RECK: variants seen among roughly 807,000 people sequenced by gnomAD.
RECK encodes the protein reversion-inducing cysteine-rich protein with Kazal motifs.
Under a neutral mutation model 115.1 loss-of-function variants are expected in RECK, and 69 were observed. That is an observed-to-expected ratio of 0.60 (90% CI 0.49 to 0.73). The LOEUF (loss-of-function observed/expected upper bound fraction) is 0.73, where lower values mean the gene tolerates loss of function less well. Ranked by LOEUF, RECK falls within the 30% of genes least tolerant of loss-of-function variation. The pLI is 0.00. For synonymous variants in RECK, 414 were observed against 419.7 expected (o/e 0.99, Z 0.17); for missense variants, 1,047 against 1,203.7 (o/e 0.87, Z 1.93).
chr9:36,064,660 A>G (rs188962834), intron 5 of RECK, among the ~76,000 whole-genome samples: 8 of 152,358 alleles, frequency 5.3e-5, no homozygotes, highest in Admixed American at 3.9e-4. Context: ...TGGGCAGCAC[A>G]TGACCTAGCT....
rs1824538046 is a variant in RECK at position 36,123,529 on chromosome 9, A to T, written c.*484A>T. 6.5e-6 allele frequency: 1 copy of T among 152,722 alleles called. No individual in the cohort carries two copies. The highest frequency in any genetic ancestry group is 2.1e-4 in the South Asian group (1 of 4,852). 9.5% of individuals were successfully genotyped at this position (152,722 alleles called of 1,614,324 possible). On this transcript the variant is annotated 3_prime_UTR_variant, in exon 21 of 21. Transcript: ENST00000377966. ...AGTGAAGAGCCACTGCCATTAAAGA[A>T]TATGAAACATAGATAAAACATCTTT...
chr9:36,071,278 G>T (rs62543609), intron 6 of RECK, among the ~76,000 whole-genome samples: 1 of 152,116 alleles, frequency 6.6e-6, no homozygotes, highest in Non-Finnish European at 1.5e-5. Flanking sequence ...GTTGTTGATG[G>T]TTAATTTTCT....
chr9:36,057,151 TAAA>T (rs34821500), intron 2 of RECK: 35 of 155,866 alleles, frequency 2.2e-4, no homozygotes, highest in Non-Finnish European at 4.1e-4. Context: ...CAGCATCAAT[TAAA>T]AAAAAAAAAA....
At chr9:36,086,124 A>G (rs1822948926) in intron 8 of RECK, 1 of 152,226 alleles carries the variant, frequency 6.6e-6, no homozygotes, top group Admixed American at 6.5e-5. Context: ...ATTCTGTAAT[A>G]TGGTTGAAAG....
At chr9:36,046,419 AAAT>A (rs1821075115) in intron 1 of RECK, among the ~76,000 whole-genome samples, 1 of 152,236 alleles carries the variant, frequency 6.6e-6, no homozygotes, top group Non-Finnish European at 1.5e-5. Flanking sequence ...ATTTCTTGAA[AAAT>A]ATGCAACGTT....
intron 14 of RECK, among the ~76,000 whole-genome samples, chr9:36,108,677 C>T (rs1222583916): frequency 6.6e-6 from 1 of 152,026 alleles, no homozygotes; most frequent in Non-Finnish European, 1.5e-5. Flanking sequence ...AGAAGTGAAA[C>T]TCAGATTTTG....
At chr9:36,071,410 CT>C (rs1315554603) in intron 6 of RECK, among the ~76,000 whole-genome samples, 2 of 152,138 alleles carry the variant, frequency 1.3e-5, no homozygotes, top group Non-Finnish European at 2.9e-5. Context: ...CCATTTTATA[CT>C]TTTAATGGCA....
chr9:36,087,829 A>G lies in RECK; in HGVS notation c.773A>G (p.Asp258Gly), dbSNP rs760203617. 5.6e-6 allele frequency: 9 copies of G among 1,613,912 alleles called. No individual in the cohort carries two copies. The African/African-American group carries it at 1.1e-4, about 19-fold the overall frequency. ...EGCKTQPLPQ[D>G]PLWQCFLESS... ...TGTAAGACCCAGCCCTTGCCTCAAG[A>G]TCCTCTTTGGCAATGTTTTCTTGAA... is the stretch of plus-strand genomic sequence containing the variant. The change falls in exon 9 of 21, where the codon GAT (aspartate) becomes GGT (glycine). Residue 258 changes from aspartate to glycine, a missense_variant. Coordinates refer to ENST00000377966, the MANE Select transcript of RECK (RefSeq NM_021111.3).
Position 36,091,493 on chromosome 9 carries a change from G to A in RECK, c.1085+150G>A, listed in dbSNP as rs1823153168. On this transcript the variant is annotated intron_variant, in intron 10 of 20. Coordinates refer to ENST00000377966, the MANE Select transcript of RECK (RefSeq NM_021111.3). ...TTAAATGCAGTATTCCATCTGGTAA[G>A]CCACCTCTGGGAAAGGAAACACTAT... The A allele has an allele frequency of 1.5e-5, 9 of 601,186 alleles. No individual in the cohort carries two copies. The South Asian group carries it at 2.7e-4, about 18-fold the overall frequency. The allele number at this position is 601,186 out of a possible 1,614,324, so 37.2% of individuals were successfully genotyped here.
chr9:36,082,188 C>CTCTCTCTCTCTCT (rs1401784584), intron 7 of RECK, among the ~76,000 whole-genome samples: 428 of 146,390 alleles, frequency 2.9e-3, no homozygotes, highest in South Asian at 6.8e-3. Flanking sequence ...CTCTCTCTCT[C>CTCTCTCTCTCTCT]CTTTTTTCTT....
At chr9:36,061,534 G>C (rs987675795) in intron 4 of RECK, among the ~76,000 whole-genome samples, 32 of 151,820 alleles carry the variant, frequency 2.1e-4, no homozygotes, top group African/African-American at 5.3e-4. Context: ...AGAGTGCCTT[G>C]TACATAGTAG....
At chr9:36,103,884 A>G (rs986520764) in intron 12 of RECK, among the ~76,000 whole-genome samples, 2 of 152,212 alleles carry the variant, frequency 1.3e-5, no homozygotes, top group Non-Finnish European at 2.9e-5. Context: ...TTAGTCTTAG[A>G]GTATGAGTCT....
intron 2 of RECK, among the ~76,000 whole-genome samples, chr9:36,058,151 G>T (rs1455422994): frequency 1.3e-5 from 2 of 150,904 alleles, no homozygotes; most frequent in East Asian, 3.9e-4. Flanking sequence ...TCCCATTACT[G>T]GGTATATACC....
chr9:36,062,174 T>C (rs1821800492), intron 4 of RECK, among the ~76,000 whole-genome samples: 1 of 151,320 alleles, frequency 6.6e-6, no homozygotes, highest in Admixed American at 6.6e-5. Flanking sequence ...TTTTTTTTTT[T>C]TTTTGAGATG....
At chr9:36,068,013 C>T (rs1042875838) in intron 6 of RECK, among the ~76,000 whole-genome samples, 1 of 152,088 alleles carries the variant, frequency 6.6e-6, no homozygotes, top group African/African-American at 2.4e-5. Flanking sequence ...AGTCTATGCT[C>T]AGATAGGTAA....
chr9:36,110,865 A>G (rs894446138), intron 15 of RECK, among the ~76,000 whole-genome samples: 4 of 152,168 alleles, frequency 2.6e-5, no homozygotes, highest in East Asian at 1.9e-4. Flanking sequence ...TTGTACCTCC[A>G]GCCCATTGGA....
At chr9:36,093,586 T>G (rs1363841590) in intron 10 of RECK, among the ~76,000 whole-genome samples, 1 of 152,094 alleles carries the variant, frequency 6.6e-6, no homozygotes, top group Non-Finnish European at 1.5e-5. Flanking sequence ...CGGAGATTGC[T>G]CAATAGAAAC....
At chr9:36,071,340 C>T (rs1332666559) in intron 6 of RECK, among the ~76,000 whole-genome samples, 2 of 152,082 alleles carry the variant, frequency 1.3e-5, no homozygotes, top group Non-Finnish European at 2.9e-5. Context: ...CTGATGAATT[C>T]CCAGAGACTG....
At chr9:36,118,679 G>A in intron 17 of RECK, 78 bp from the exon 18 acceptor site, 1 of 1,326,928 alleles carries the variant, frequency 7.5e-7, no homozygotes, top group Middle Eastern at 1.9e-4. Context: ...TGAAAATAGG[G>A]AGGCATGCTG....
Sources: allele counts gnomAD v4.1 joint callset (sites outside exome capture counted in the v4.1 genomes callset), GRCh38; gene constraint gnomAD v4.1.1; transcripts MANE v1.5; gene names NCBI Gene and HGNC (gene_info 2026-07-23, HGNC 2026-07-21).